RAB3GAP2: variants seen among roughly 807,000 people sequenced by gnomAD.
RAB3GAP2 encodes the protein RAB3 GTPase activating non-catalytic protein subunit 2, also known as rab3 GTPase-activating protein non-catalytic subunit.
A neutral mutation model predicts 185.3 loss-of-function variants in RAB3GAP2; 87 were observed. The ratio of observed to expected loss-of-function variants is 0.47; its 90% CI spans 0.39 to 0.56. The LOEUF (loss-of-function observed/expected upper bound fraction) is 0.56, where lower values mean the gene tolerates loss of function less well. Ranked by LOEUF, RAB3GAP2 falls within the 20% of genes least tolerant of loss-of-function variation. RAB3GAP2 has a pLI of 0.00. For synonymous variants in RAB3GAP2, 554 were observed against 576.1 expected, an observed-to-expected ratio of 0.96 and a Z score of 0.55; for missense variants, 1,492 against 1,638.2, an observed-to-expected ratio of 0.91 and a Z score of 1.54.
rs1658375110 is a variant in RAB3GAP2, at chr1:220,180,189, G to A, written c.2310+2068C>T. Among the ~76,000 whole-genome samples the A allele has an allele frequency of 2.0e-5, 3 of 151,998 alleles. No homozygotes were observed. In the South Asian group the frequency reaches 6.2e-4, roughly 32 times the overall value. On this transcript the variant is annotated intron_variant, in intron 21 of 34. Transcript: ENST00000358951. ...AAAAAAGAAAAGAGGGAAGTCTATA[G>A]TAATAAACACCTCAATAAAAAGACT...
At chr1:220,193,404 G>A (rs777995604) in intron 12 of RAB3GAP2, 25 bp from the exon 13 acceptor site, 1 of 1,608,286 alleles carries the variant, frequency 6.2e-7, no homozygotes, top group Non-Finnish European at 8.5e-7. Context: ...AAAATAAAAT[G>A]CTCAAATCAC....
intron 1 of RAB3GAP2, among the ~76,000 whole-genome samples, chr1:220,264,660 C>T (rs941894430): frequency 1.1e-4 from 16 of 152,020 alleles, no homozygotes; most frequent in African/African-American, 2.9e-4. Context: ...CACATCCCAC[C>T]CTCCCACCAC....
intron 1 of RAB3GAP2, among the ~76,000 whole-genome samples, chr1:220,269,988 T>C (rs1660305491): frequency 6.6e-6 from 1 of 152,166 alleles, no homozygotes; most frequent in South Asian, 2.1e-4. Context: ...TGAAATAGTA[T>C]ATTTCACTTT....
At chr1:220,253,295 G>A (rs111739662) in intron 1 of RAB3GAP2, among the ~76,000 whole-genome samples, 222 of 152,320 alleles carry the variant, frequency 1.5e-3, no homozygotes, top group African/African-American at 5.1e-3. Context: ...GCTTCCAGAG[G>A]AAGGGGCTGG....
intron 1 of RAB3GAP2, among the ~76,000 whole-genome samples, chr1:220,235,952 G>C (rs562577154): frequency 2.6e-5 from 4 of 152,188 alleles, no homozygotes; most frequent in Non-Finnish European, 5.9e-5. Flanking sequence ...AATTTAATTG[G>C]GCATCTTCTA....
chr1:220,151,698 G>T lies in RAB3GAP2; in HGVS notation c.3934C>A (p.Leu1312Met). Residue 1312 changes from leucine to methionine, a missense_variant, in exon 34 of 35, where the codon CTG (leucine) becomes ATG (methionine). Leu to Met is a conservative substitution (Grantham distance 15). Transcript: ENST00000358951. ...TGGGTGTGGAGAAGCGCATGAGCCA[G>T]CCTTTGCCCCGTGAGCACCAGCAGC... ...SQLLVLTGQR[L>M]AHALLHTQTK... The T allele has an allele frequency of 6.2e-7, 1 of 1,611,808 alleles. No individual in the cohort carries two copies.
At chr1:220,173,864 C>CA (rs1658226948) in intron 21 of RAB3GAP2, among the ~76,000 whole-genome samples, 2 of 151,554 alleles carry the variant, frequency 1.3e-5, no homozygotes, top group South Asian at 4.2e-4. Context: ...ACTAAAAATA[C>CA]AAAAAATTAG....
At chr1:220,267,513 A>G (rs979352139) in intron 1 of RAB3GAP2, 14 of 1,408,054 alleles carry the variant, frequency 9.9e-6, no homozygotes, top group Non-Finnish European at 1.4e-5. Context: ...GAGGGCGACC[A>G]ATTTCAAGGT....
Position 220,182,737 on chromosome 1 carries a change from T to G in RAB3GAP2, c.2193A>C (p.Glu731Asp). 6.2e-7 allele frequency: 1 copy of G among 1,603,790 alleles called. No individual in the cohort carries two copies. Among genetic ancestry groups the G allele is most frequent in the Non-Finnish European group, 8.5e-7 (1 of 1,176,600 alleles). Reference protein sequence around the residue: ...KDVLNIKKISEEEYVALGSFF... With the variant: ...KDVLNIKKISDEEYVALGSFF... Reference sequence around the variant, plus strand: ...ACCTACCTAAAGCCACATATTCCTCTTCACTTATTTTCTTTATGTTGAGCA... The same window carrying G: ...ACCTACCTAAAGCCACATATTCCTCGTCACTTATTTTCTTTATGTTGAGCA... The change falls in exon 20 of 35, where the codon GAA becomes GAC. Residue 731 changes from glutamate (E) to aspartate (D), a missense_variant. By Grantham distance (45) the Glu-to-Asp change is conservative. Coordinates refer to ENST00000358951, the MANE Select transcript of RAB3GAP2 (RefSeq NM_012414.4).
Position 220,196,411 on chromosome 1 carries a change from A to T in RAB3GAP2, c.812-13T>A. 1 of 1,585,880 alleles carries T rather than the reference A, an allele frequency of 6.3e-7. No homozygotes were observed. Among genetic ancestry groups the T allele is most frequent in the Non-Finnish European group, 8.7e-7 (1 of 1,154,876 alleles). ...AGAGTCATAATACCTAATAAAAAAA[A>T]AAAAGTGATTTGAATGTACAATGTT... On this transcript the variant is annotated splice_polypyrimidine_tract_variant and intron_variant, in intron 9 of 34. Coordinates refer to ENST00000358951, the MANE Select transcript of RAB3GAP2 (RefSeq NM_012414.4).
In RAB3GAP2 at chr1:220,210,845, T is replaced by G; in HGVS notation, c.466A>C (p.Ile156Leu). ...TAACCTGAAGTAAAACCCACCACAA[T>G]GCAGGTCCAGTCAGGACGCCCAGTG... ...SSTGRPDWTCIVVGFTSGYVR... is the reference protein window; with the variant it reads ...SSTGRPDWTCLVVGFTSGYVR... Residue 156 changes from isoleucine (I) to leucine (L), a missense_variant, in exon 6 of 35, where the codon ATT (isoleucine) becomes CTT (leucine). Physicochemically the swap from Ile to Leu is conservative, Grantham distance 5. Coordinates refer to ENST00000358951, the MANE Select transcript of RAB3GAP2 (RefSeq NM_012414.4). 1 of 1,613,840 alleles carries G rather than the reference T, an allele frequency of 6.2e-7. No homozygotes were observed. The highest frequency in any genetic ancestry group is 1.1e-5 in the South Asian group (1 of 91,050).
chr1:220,171,331 T>G (rs1658174561), intron 23 of RAB3GAP2, among the ~76,000 whole-genome samples: 1 of 152,176 alleles, frequency 6.6e-6, no homozygotes, highest in East Asian at 1.9e-4. Flanking sequence ...AGTTCAGATA[T>G]TTATAAGGAG....
chr1:220,262,269 C>A (rs1660155385), intron 1 of RAB3GAP2, among the ~76,000 whole-genome samples: 2 of 152,016 alleles, frequency 1.3e-5, no homozygotes, highest in Non-Finnish European at 2.9e-5. Context: ...CCACTGCACT[C>A]CAGCCTGGGC....
intron 31 of RAB3GAP2, among the ~76,000 whole-genome samples, chr1:220,154,627 CTG>C (rs1052100778): frequency 5.7e-4 from 86 of 151,776 alleles, no homozygotes; most frequent in Non-Finnish European, 5.3e-4. Flanking sequence ...CCCACAACAA[CTG>C]TGAGATAATA....
At chr1:220,223,492 C>T in intron 2 of RAB3GAP2, among the ~76,000 whole-genome samples, 1 of 151,998 alleles carries the variant, frequency 6.6e-6, no homozygotes, top group South Asian at 2.1e-4. Context: ...AAACTTTACC[C>T]ATTAATTTAA....
chr1:220,210,815 G>C lies in RAB3GAP2; in HGVS notation c.496C>G (p.Arg166Gly). The C allele has an allele frequency of 1.2e-6, 2 of 1,613,278 alleles. No individual in the cohort carries two copies. The highest frequency in any genetic ancestry group is 1.7e-6 in the Non-Finnish European group (2 of 1,179,572). ...ACTCAACTCACCTCAGTGTAGAAGC[G>C]TACATAACCTGAAGTAAAACCCACC... ...IVVGFTSGYVRFYTENGVLLL... is the reference protein window; with the variant it reads ...IVVGFTSGYVGFYTENGVLLL... The change falls in exon 6 of 35, where the codon CGC becomes GGC. Residue 166 changes from arginine (R) to glycine (G), a missense_variant. Physicochemically the swap from Arg to Gly is moderately radical, Grantham distance 125. Transcript: ENST00000358951.
intron 2 of RAB3GAP2, among the ~76,000 whole-genome samples, chr1:220,224,456 T>C (rs1030650599): frequency 1.1e-4 from 17 of 152,120 alleles, no homozygotes; most frequent in Non-Finnish European, 7.4e-5. Context: ...TACAATAAAA[T>C]AGTATTCCTT....
chr1:220,194,936 T>C, intron 12 of RAB3GAP2, 142 bp downstream of exon 12: 1 of 844,902 alleles, frequency 1.2e-6, no homozygotes, highest in African/African-American at 1.7e-5. Flanking sequence ...TTTTACATTC[T>C]AGTGGGAAAA....
In RAB3GAP2 at chr1:220,153,293, TGG is replaced by T. The variant is rs1657796427; in HGVS notation, c.3757_3758del (p.Pro1253SerfsTer13). ...PTPFGKDQDWPALAVDLAHHL... is the reference protein window; with the variant it reads ...PTPFGKDQDWXALAVDLAHHL... ...GATGGGCTAAATCCACAGCTAGAGC[TGG>T]CCAATCTTGGTCTTTCCCAAAAGGA... On this transcript the variant is annotated frameshift_variant, in exon 33 of 35. Coordinates refer to ENST00000358951, the MANE Select transcript of RAB3GAP2 (RefSeq NM_012414.4). LOFTEE classifies it high-confidence loss of function. The T allele has an allele frequency of 1.2e-6, 2 of 1,614,060 alleles. No homozygotes were observed.
Sources: gnomAD v4.1 joint callset for allele counts (sites outside exome capture counted in the v4.1 genomes callset) on GRCh38, gnomAD v4.1.1 for gene constraint, MANE v1.5 for transcripts, NCBI Gene and HGNC (gene_info 2026-07-23, HGNC 2026-07-21) for gene names.